Variants in ATP9A observed in about 807,000 individuals in gnomAD.
ATP9A encodes the protein ATPase phospholipid transporting 9A, also known as probable phospholipid-transporting ATPase IIA.
Under a neutral mutation model 144.1 loss-of-function variants are expected in ATP9A, and 52 were observed. That is an observed-to-expected ratio of 0.36 (90% CI 0.29 to 0.45). ATP9A has a LOEUF of 0.45. Among genes scored for constraint, ATP9A ranks in the 20% least tolerant of loss-of-function variants. The probability of loss-of-function intolerance (pLI) is 1.00; values close to 1 mark genes in which losing one functional copy is unlikely to be tolerated. For missense variants in ATP9A, 947 were observed against 1,392.7 expected, an observed-to-expected ratio of 0.68 and a Z score of 5.09; for synonymous variants, 582 against 557.4, an observed-to-expected ratio of 1.04 and a Z score of -0.62.
intron 1 of ATP9A, among the ~76,000 whole-genome samples, chr20:51,740,617 G>A (rs1204432615): frequency 1.9e-5 from 2 of 102,964 alleles, no homozygotes; most frequent in Non-Finnish European, 4.2e-5. Flanking sequence ...ACCCAGGCAG[G>A]ACTGTGGTGG....
intron 5 of ATP9A, 78 bp from the exon 6 acceptor site, chr20:51,696,222 C>G (rs1477141269): frequency 1.5e-6 from 2 of 1,338,020 alleles, no homozygotes; most frequent in Admixed American, 3.7e-5. Context: ...CTTCCGCCCC[C>G]ACCCCCAACC....
chr20:51,647,555 C>T (rs1283888253), intron 14 of ATP9A, among the ~76,000 whole-genome samples: 1 of 151,192 alleles, frequency 6.6e-6, no homozygotes, highest in Non-Finnish European at 1.5e-5. Context: ...CATCTCAAAA[C>T]AAACAAATAA....
chr20:51,654,792 TG>T (rs11475432), intron 14 of ATP9A, among the ~76,000 whole-genome samples: 68,190 of 151,694 alleles, frequency 0.45, 16,729 homozygotes, highest in East Asian at 0.79. Context: ...ACTGCCTACT[TG>T]GGGCTTCACA....
chr20:51,645,169 C>T (rs956867269), intron 14 of ATP9A, among the ~76,000 whole-genome samples: 8 of 152,200 alleles, frequency 5.3e-5, no homozygotes, highest in African/African-American at 1.9e-4. Flanking sequence ...AGCTTAGGAG[C>T]CTACGACAGC....
chr20:51,709,142 AG>A (rs750986958), intron 4 of ATP9A, among the ~76,000 whole-genome samples: 2 of 152,198 alleles, frequency 1.3e-5, no homozygotes, highest in Non-Finnish European at 2.9e-5. Context: ...TAGGCACAAA[AG>A]GGAATGTCTG....
At chr20:51,626,085 G>C (rs549460364) in intron 17 of ATP9A, among the ~76,000 whole-genome samples, 1 of 152,172 alleles carries the variant, frequency 6.6e-6, no homozygotes, top group Non-Finnish European at 1.5e-5. Context: ...CCAGAGACAC[G>C]GCAGTAAACA....
rs60505207 is a variant in ATP9A at position 51,682,577 on chromosome 20, CTTTTTTTTTTTTTT to C, written c.800-6383_800-6370del. Among the ~76,000 whole-genome samples, 137 of 35,090 alleles carry C rather than the reference CTTTTTTTTTTTTTT, an allele frequency of 3.9e-3. 3 individuals are homozygous for C. The highest frequency in any genetic ancestry group is 0.026 in the Middle Eastern group (1 of 38). 23.0% of individuals were successfully genotyped at this position (35,090 alleles called of 152,430 possible). A position where few individuals can be genotyped will look rare whatever the true frequency, so the allele number is the denominator to read the frequency against. ...TAAAGTGTGTTGCTTTTCACTGTAT[CTTTTTTTTTTTTTT>C]TTTTTTTTTTTTTTTTGAGACAGAG... On this transcript the variant is annotated intron_variant, in intron 9 of 27. Transcript: ENST00000338821.
intron 13 of ATP9A, among the ~76,000 whole-genome samples, chr20:51,660,026 A>G (rs80164935): frequency 0.026 from 3,922 of 152,374 alleles, 68 homozygotes; most frequent in Non-Finnish European, 0.041. Context: ...CTAAAATTAT[A>G]AAGAAAAGAT....
intron 1 of ATP9A, among the ~76,000 whole-genome samples, chr20:51,739,124 C>T (rs1005222138): frequency 2.6e-5 from 4 of 152,250 alleles, no homozygotes; most frequent in African/African-American, 9.6e-5. Flanking sequence ...CTCACCAGCC[C>T]CACCTGCACT....
At chr20:51,706,579 A>G (rs1210861578) in intron 4 of ATP9A, among the ~76,000 whole-genome samples, 1 of 152,202 alleles carries the variant, frequency 6.6e-6, no homozygotes, top group Non-Finnish European at 1.5e-5. Context: ...TGGTAACTTC[A>G]TCTCTATAAA....
At chr20:51,666,678 T>TCA (rs1568811077) in intron 13 of ATP9A, among the ~76,000 whole-genome samples, 2,533 of 84,576 alleles carry the variant, frequency 0.03, 102 homozygotes, top group African/African-American at 0.12. Flanking sequence ...AGACTGTGTC[T>TCA]TAAAAAAAAA....
At chr20:51,753,055 T>G (rs1050081622) in intron 1 of ATP9A, among the ~76,000 whole-genome samples, 1 of 150,572 alleles carries the variant, frequency 6.6e-6, no homozygotes, top group African/African-American at 2.4e-5. Context: ...TGAGCCAGGA[T>G]GGCGCCATTG....
Position 51,604,851 on chromosome 20 carries a change from G to A in ATP9A, c.2973C>T (p.Tyr991=), listed in dbSNP as rs747835614. Residue 991 remains tyrosine, a synonymous_variant, in exon 27 of 28, where the codon TAC becomes TAT. Coordinates refer to ENST00000338821, the MANE Select transcript of ATP9A (RefSeq NM_006045.3). ...TVAELLSLAC[Y]IASLVFLHEF... ...CGTGTAAGAACACCAGGGAGGCGAT[G>A]TAGCAGGCCAGGCTGAGCAGCTCCG... is the stretch of plus-strand genomic sequence containing the variant. 16 of 1,552,144 alleles carry A rather than the reference G, an allele frequency of 1.0e-5. No homozygotes were observed. The highest frequency in any genetic ancestry group is 3.6e-5 in the South Asian group (3 of 82,800).
At chr20:51,730,051 G>A (rs547490657) in intron 1 of ATP9A, 73 bp from the exon 2 acceptor site, 12 of 1,368,184 alleles carry the variant, frequency 8.8e-6, no homozygotes, top group East Asian at 8.1e-5. Flanking sequence ...CCCACTCTTC[G>A]CAGATTGCTT....
chr20:51,654,143 G>C (rs2426346), intron 14 of ATP9A, among the ~76,000 whole-genome samples: 68,348 of 151,758 alleles, frequency 0.45, 16,820 homozygotes, highest in East Asian at 0.79. Flanking sequence ...AAGGTAGCCA[G>C]GGGTGTACAA....
At chr20:51,763,405 T>C (rs1007414649) in intron 1 of ATP9A, among the ~76,000 whole-genome samples, 2 of 151,250 alleles carry the variant, frequency 1.3e-5, no homozygotes, top group Non-Finnish European at 1.5e-5. Context: ...CTCTGCCTCC[T>C]GGGTTCACGC....
intron 3 of ATP9A, 91 bp from the exon 4 acceptor site, chr20:51,713,165 G>A (rs1205699): frequency 0.64 from 751,095 of 1,182,202 alleles, 240,483 homozygotes; most frequent in South Asian, 0.73. Flanking sequence ...CAGGAAAGGC[G>A]AGAGGTCACT....
At chr20:51,646,788 CCTG>C (rs1220096377) in intron 14 of ATP9A, among the ~76,000 whole-genome samples, 1 of 151,990 alleles carries the variant, frequency 6.6e-6, no homozygotes, top group African/African-American at 2.4e-5. Context: ...CAAAACACAG[CCTG>C]CTAGGAATCA....
At chr20:51,762,727 T>TG (rs2077886524) in intron 1 of ATP9A, among the ~76,000 whole-genome samples, 1 of 128,670 alleles carries the variant, frequency 7.8e-6, no homozygotes, top group African/African-American at 2.7e-5. Flanking sequence ...TTTTTTTTTT[T>TG]GAGACAGGGT....
Sources: gnomAD v4.1 joint callset for allele counts (sites outside exome capture counted in the v4.1 genomes callset) on GRCh38, gnomAD v4.1.1 for gene constraint, MANE v1.5 for transcripts, NCBI Gene and HGNC (gene_info 2026-07-23, HGNC 2026-07-21) for gene names.